CERS3: variants seen among roughly 807,000 people sequenced by gnomAD.
The protein encoded by CERS3 is ceramide synthase 3.
Under a neutral mutation model 50.3 loss-of-function variants are expected in CERS3, and 33 were observed. The ratio of observed to expected loss-of-function variants is 0.66; its 90% confidence interval spans 0.50 to 0.88. CERS3 has a LOEUF of 0.88. CERS3 is among the 40% of genes least tolerant of loss of function. The pLI is 0.00. For synonymous variants in CERS3, 176 were observed against 155.2 expected, an observed-to-expected ratio of 1.13 and a Z score of -0.99; for missense variants, 470 against 460.3, an observed-to-expected ratio of 1.02 and a Z score of -0.19.
upstream of CERS3, among the ~76,000 whole-genome samples, chr15:100,532,110 C>A (rs1292345945): frequency 6.6e-6 from 1 of 152,156 alleles, no homozygotes; most frequent in Non-Finnish European, 1.5e-5. Flanking sequence ...AGTCTGGGCG[C>A]CAGCAGCAAG....
chr15:100,487,120 G>C (rs2035509699), intron 4 of CERS3, among the ~76,000 whole-genome samples: 1 of 152,170 alleles, frequency 6.6e-6, no homozygotes, highest in African/African-American at 2.4e-5. Context: ...ATTAATGTGT[G>C]AAACATGAAG....
chr15:100,477,265 G>A (rs896839697), intron 7 of CERS3, among the ~76,000 whole-genome samples: 1 of 152,150 alleles, frequency 6.6e-6, no homozygotes. Context: ...CTGGGGTTTG[G>A]TCTAGCTAAT....
chr15:100,460,961 G>A (rs1322925856), intron 10 of CERS3, among the ~76,000 whole-genome samples: 1 of 152,182 alleles, frequency 6.6e-6, no homozygotes, highest in Non-Finnish European at 1.5e-5. Context: ...GAAAATTCGA[G>A]GAGCTAAAAG....
chr15:100,535,719 G>T (rs2037056340), intron 1 of CERS3, among the ~76,000 whole-genome samples: 1 of 97,706 alleles, frequency 1.0e-5, no homozygotes, highest in African/African-American at 3.8e-5. Flanking sequence ...GTGAAGTGGG[G>T]ATATCCCTAT....
chr15:100,501,241 CT>C (rs1419386907), intron 3 of CERS3, among the ~76,000 whole-genome samples: 1 of 152,150 alleles, frequency 6.6e-6, no homozygotes, highest in Non-Finnish European at 1.5e-5. Context: ...TTGGTTTAGA[CT>C]TTAATGAGCC....
intron 11 of CERS3, among the ~76,000 whole-genome samples, chr15:100,443,075 T>C (rs2142158520): frequency 6.6e-6 from 1 of 152,128 alleles, no homozygotes. Flanking sequence ...AACTAAATTA[T>C]CTGCTTCCCT....
intron 7 of CERS3, among the ~76,000 whole-genome samples, chr15:100,477,744 A>C (rs752798424): frequency 1.3e-5 from 2 of 152,200 alleles, no homozygotes; most frequent in Non-Finnish European, 2.9e-5. Context: ...ATATCAGAGT[A>C]CTAGGAAGCA....
intron 11 of CERS3, among the ~76,000 whole-genome samples, chr15:100,439,465 C>A (rs2033582354): frequency 6.6e-6 from 1 of 151,850 alleles, no homozygotes; most frequent in South Asian, 2.1e-4. Context: ...ATTGAAGGAA[C>A]AAACTCACAA....
At chr15:100,437,945 A>T (rs533590821) in intron 11 of CERS3, 4 of 152,086 alleles carry the variant, frequency 2.6e-5, no homozygotes, top group African/African-American at 9.6e-5. Context: ...ATATTTTCTT[A>T]TGCTTTCAAA....
intron 11 of CERS3, among the ~76,000 whole-genome samples, chr15:100,445,426 T>G (rs1435975287): frequency 6.6e-6 from 1 of 152,238 alleles, no homozygotes; most frequent in African/African-American, 2.4e-5. Context: ...GGCAAGGCTA[T>G]GCTGCACCTC....
At chr15:100,532,324 A>G (rs1248026589), upstream of CERS3, among the ~76,000 whole-genome samples, 2 of 152,182 alleles carry the variant, frequency 1.3e-5, no homozygotes, top group African/African-American at 4.8e-5. Flanking sequence ...AACTTAACAT[A>G]TACAGTTTTT....
chr15:100,542,334 G>C (rs1403689246), intron 1 of CERS3, among the ~76,000 whole-genome samples: 2 of 152,164 alleles, frequency 1.3e-5, no homozygotes, highest in East Asian at 3.8e-4. Context: ...TAAAGCAAAA[G>C]ATCCTTATTT....
chr15:100,423,862 T>G (rs974901402), intron 11 of CERS3, among the ~76,000 whole-genome samples: 1 of 152,070 alleles, frequency 6.6e-6, no homozygotes, highest in African/African-American at 2.4e-5. Context: ...TCCCCCACGA[T>G]GTTACCTGTA....
At chr15:100,430,486 A>G (rs2033071296) in intron 11 of CERS3, among the ~76,000 whole-genome samples, 1 of 152,224 alleles carries the variant, frequency 6.6e-6, no homozygotes, top group South Asian at 2.1e-4. Context: ...TACAGCTTCC[A>G]TAAAATCATA....
chr15:100,430,694 T>G (rs2033081302), intron 11 of CERS3, among the ~76,000 whole-genome samples: 1 of 151,552 alleles, frequency 6.6e-6, no homozygotes, highest in Non-Finnish European at 1.5e-5. Context: ...GAAAGCAAAT[T>G]TTTAGCTTTC....
At chr15:100,452,719 G>GT (rs2142187968) in intron 11 of CERS3, among the ~76,000 whole-genome samples, 2 of 152,086 alleles carry the variant, frequency 1.3e-5, no homozygotes, top group African/African-American at 4.8e-5. Context: ...TTAGAAGTTA[G>GT]TTTTTGAAAA....
chr15:100,475,538 C>G (rs2035099708), intron 8 of CERS3, among the ~76,000 whole-genome samples: 1 of 152,172 alleles, frequency 6.6e-6, no homozygotes, highest in Admixed American at 6.5e-5. Flanking sequence ...TCAGTAACAA[C>G]CAAACCATTC....
At chr15:100,411,330 T>A (rs2031475164) in intron 11 of CERS3, among the ~76,000 whole-genome samples, 1 of 152,002 alleles carries the variant, frequency 6.6e-6, no homozygotes, top group African/African-American at 2.4e-5. Context: ...CCCGGCTAAT[T>A]TTTGTATTTT....
At chr15:100,513,217 C>G (rs11635012) in intron 2 of CERS3, among the ~76,000 whole-genome samples, 49,221 of 151,962 alleles carry the variant, frequency 0.32, 8,139 homozygotes, top group East Asian at 0.37. Flanking sequence ...TAAATCTTGA[C>G]CCAATGAATT....
Sources: gnomAD v4.1 joint callset for allele counts (sites outside exome capture counted in the v4.1 genomes callset) on GRCh38, gnomAD v4.1.1 for gene constraint, MANE v1.5 for transcripts, NCBI Gene and HGNC (gene_info 2026-07-23, HGNC 2026-07-21) for gene names.